The following MTREX variants were observed in gnomAD, a reference collection of about 807,000 sequenced individuals.
MTREX encodes exosome RNA helicase MTR4.
Under a neutral mutation model 135.4 loss-of-function variants are expected in MTREX, and 76 were observed. That is an observed-to-expected ratio of 0.56 (90% CI 0.47 to 0.68). The LOEUF is 0.68. Among genes scored for constraint, MTREX ranks in the 30% least tolerant of loss-of-function variants. MTREX has a pLI of 0.00. For missense variants in MTREX, 920 were observed against 1,262.1 expected (o/e 0.73, Z 4.11); for synonymous variants, 404 against 401.6 (o/e 1.01, Z -0.07).
intron 1 of MTREX, among the ~76,000 whole-genome samples, chr5:55,321,859 C>T (rs1350866760): frequency 6.6e-6 from 1 of 152,020 alleles, no homozygotes; most frequent in African/African-American, 2.4e-5. Context: ...TCATCCACCT[C>T]GGCCTCCCAA....
intron 19 of MTREX, among the ~76,000 whole-genome samples, chr5:55,391,684 G>C (rs1750570006): frequency 6.6e-6 from 1 of 152,124 alleles, no homozygotes; most frequent in African/African-American, 2.4e-5. Flanking sequence ...GAGCCAGAAT[G>C]AACATTTTTT....
In MTREX at chr5:55,395,355, G is replaced by A. The variant is rs570750325; in HGVS notation, c.2182-2061G>A. Among the ~76,000 whole-genome samples, 9 of 152,158 alleles carry A rather than the reference G, an allele frequency of 5.9e-5. No homozygotes were observed. In the South Asian group the frequency reaches 6.2e-4, roughly 11 times the overall value. ...CGGGAGGTAGAGATTTCAGTGAGCCGAGATCATGCCATTGCACTCCAGCCT... is the reference window on the plus strand; with the variant it reads ...CGGGAGGTAGAGATTTCAGTGAGCCAAGATCATGCCATTGCACTCCAGCCT... On this transcript the variant is annotated intron_variant, in intron 19 of 26. Coordinates refer to ENST00000230640, the MANE Select transcript of MTREX (RefSeq NM_015360.5).
chr5:55,344,980 T>C (rs533749404), intron 9 of MTREX, 114 bp from the exon 10 acceptor site: 98 of 661,560 alleles, frequency 1.5e-4, no homozygotes, highest in Non-Finnish European at 2.3e-4. Flanking sequence ...ACTATTTTAG[T>C]GGCTTTCATT....
chr5:55,366,675 T>C, intron 15 of MTREX, 50 bp from the exon 16 acceptor site: 1 of 1,416,002 alleles, frequency 7.1e-7, no homozygotes, highest in Non-Finnish European at 9.5e-7. Context: ...AAGGTACTTG[T>C]GTAAATTTAT....
At chr5:55,328,102 A>G (rs1275167340) in intron 4 of MTREX, among the ~76,000 whole-genome samples, 1 of 152,186 alleles carries the variant, frequency 6.6e-6, no homozygotes, top group Non-Finnish European at 1.5e-5. Flanking sequence ...ACAGGCTTCT[A>G]ATGAAACCGG....
At chr5:55,313,561 G>A (rs1247541015) in intron 1 of MTREX, among the ~76,000 whole-genome samples, 1 of 152,098 alleles carries the variant, frequency 6.6e-6, no homozygotes, top group Non-Finnish European at 1.5e-5. Context: ...TGCAATTGTG[G>A]TTCTTTTTGC....
chr5:55,339,375 C>T (rs952938001), intron 5 of MTREX, among the ~76,000 whole-genome samples: 6 of 151,684 alleles, frequency 4.0e-5, no homozygotes, highest in Non-Finnish European at 8.8e-5. Context: ...TTTTTATTTC[C>T]CCAAATACAT....
At chr5:55,417,606 G>A (rs759144504) in intron 25 of MTREX, among the ~76,000 whole-genome samples, 3 of 152,172 alleles carry the variant, frequency 2.0e-5, no homozygotes, top group South Asian at 2.1e-4. Context: ...GTGTTTAGCC[G>A]AGTCAGTGAG....
chr5:55,371,657 G>A (rs1750205539), intron 16 of MTREX, among the ~76,000 whole-genome samples: 1 of 152,014 alleles, frequency 6.6e-6, no homozygotes, highest in Admixed American at 6.6e-5. Context: ...GCTTCATAGT[G>A]GCAGTCTCAC....
At position 55,413,689 on chromosome 5, in the gene MTREX, T is replaced by A. The variant is rs143507076; in HGVS notation, c.2752-493T>A. Among the ~76,000 whole-genome samples the A allele has an allele frequency of 5.2e-3, 788 of 152,354 alleles. 5 individuals carry two copies. Among genetic ancestry groups the A allele is most frequent in the Non-Finnish European group, 8.0e-3 (541 of 68,032 alleles). On this transcript the variant is annotated intron_variant, in intron 23 of 26. Coordinates refer to ENST00000230640, the MANE Select transcript of MTREX (RefSeq NM_015360.5). Reference sequence around the variant, plus strand: ...TCAGATTAAACTTTTAGCTGTCTTATACTTTGTTAGAACATCTGGGTAAAA... The same window carrying A: ...TCAGATTAAACTTTTAGCTGTCTTAAACTTTGTTAGAACATCTGGGTAAAA...
At chr5:55,378,259 A>G (rs1750338297) in intron 16 of MTREX, 55 bp from the exon 17 acceptor site, 2 of 1,493,560 alleles carry the variant, frequency 1.3e-6, no homozygotes, top group African/African-American at 1.4e-5. Flanking sequence ...TGTCTTGGGT[A>G]TAATTTAAAT....
In MTREX at chr5:55,358,697, A is replaced by G. The variant is rs1561196630; in HGVS notation, c.1658A>G (p.Lys553Arg). 1 of 1,590,252 alleles carries G rather than the reference A, an allele frequency of 6.3e-7. No individual in the cohort carries two copies. Among genetic ancestry groups the G allele is most frequent in the East Asian group, 2.3e-5 (1 of 44,344 alleles). The change falls in exon 15 of 27, where the codon AAG becomes AGG. Residue 553 changes from lysine to arginine, a missense_variant and splice_region_variant. Lys to Arg is a conservative substitution (Grantham distance 26). This residue lies in a region of MTREX where 467 missense variants were observed against 589.7 expected (regional missense o/e 0.79). Coordinates refer to ENST00000230640, the MANE Select transcript of MTREX (RefSeq NM_015360.5). Reference protein sequence around the residue: ...MSPTIGKQLLKGSADPLNSAF... With the variant: ...MSPTIGKQLLRGSADPLNSAF... ...CCAACAATTGGAAAACAATTACTTA[A>G]GGTAACTACATTAAGATTGTGTACC... is the stretch of plus-strand genomic sequence containing the variant.
chr5:55,362,083 A>ATTTTTTTTTTTTTTTTTTT (rs35074192), intron 15 of MTREX, among the ~76,000 whole-genome samples: 33 of 111,156 alleles, frequency 3.0e-4, no homozygotes, highest in African/African-American at 8.1e-4. Context: ...CGTCTGGCTA[A>ATTTTTTTTTTTTTTTTTTT]TTTTTTTTTT....
At chr5:55,374,285 T>TAA (rs1554033279) in intron 16 of MTREX, among the ~76,000 whole-genome samples, 6 of 144,578 alleles carry the variant, frequency 4.2e-5, no homozygotes, top group African/African-American at 1.1e-4. Flanking sequence ...TATATATATA[T>TAA]AAACAATTTT....
chr5:55,388,174 A>G (rs535023270), intron 19 of MTREX, 72 bp downstream of exon 19: 13 of 1,369,168 alleles, frequency 9.5e-6, no homozygotes, highest in South Asian at 3.0e-5. Context: ...AAGTTCTCCA[A>G]TGTGATGGTA....
At chr5:55,373,358 T>C (rs878856094) in intron 16 of MTREX, among the ~76,000 whole-genome samples, 1 of 152,004 alleles carries the variant, frequency 6.6e-6, no homozygotes, top group East Asian at 1.9e-4. Flanking sequence ...AGTTGTGAAT[T>C]ATGTCCATCT....
At chr5:55,335,788 C>T (rs1749544841) in intron 5 of MTREX, among the ~76,000 whole-genome samples, 1 of 152,036 alleles carries the variant, frequency 6.6e-6, no homozygotes, top group Non-Finnish European at 1.5e-5. Context: ...GAATTTCCAA[C>T]CAGAAAGCCC....
intron 21 of MTREX, 32 bp from the exon 22 acceptor site, chr5:55,405,393 T>C (rs1750787988): frequency 1.9e-6 from 3 of 1,553,974 alleles, no homozygotes; most frequent in Non-Finnish European, 2.6e-6. Flanking sequence ...CACTTTATTA[T>C]TGAACTTTCT....
intron 25 of MTREX, among the ~76,000 whole-genome samples, chr5:55,417,973 G>A (rs1344187492): frequency 1.3e-5 from 2 of 150,222 alleles, no homozygotes; most frequent in South Asian, 4.2e-4. Flanking sequence ...GGTGGCTTAC[G>A]CCGGTAATCC....
Sources: gnomAD v4.1 joint callset for allele counts (sites outside exome capture counted in the v4.1 genomes callset) on GRCh38, gnomAD v4.1.1 for gene constraint, gnomAD v4.1.1 regional missense constraint, MANE v1.5 for transcripts, NCBI Gene and HGNC (gene_info 2026-07-23, HGNC 2026-07-21) for gene names.